The following CLMN variants were observed in gnomAD, a reference collection of about 807,000 sequenced individuals.
The protein encoded by CLMN is calmin.
Under a neutral mutation model 92.7 loss-of-function variants are expected in CLMN, and 57 were observed. The observed-to-expected ratio is 0.61, with a 90% CI of 0.50 to 0.77. The LOEUF (loss-of-function observed/expected upper bound fraction) is 0.77. CLMN is among the 30% of genes least tolerant of loss of function. The probability of loss-of-function intolerance (pLI) is 0.00; values close to 1 mark genes in which losing one functional copy is unlikely to be tolerated. For missense variants in CLMN, 1,158 were observed against 1,237.5 expected (o/e 0.94, Z 0.96); for synonymous variants, 466 against 470.6 (o/e 0.99, Z 0.13).
At chr14:95,227,751 A>G (rs900351915) in intron 2 of CLMN, among the ~76,000 whole-genome samples, 5 of 152,232 alleles carry the variant, frequency 3.3e-5, no homozygotes, top group Non-Finnish European at 2.9e-5. Flanking sequence ...GTATGGCCGA[A>G]TAAACAGCAC....
At chr14:95,232,548 T>G (rs910012273) in intron 1 of CLMN, among the ~76,000 whole-genome samples, 25 of 152,348 alleles carry the variant, frequency 1.6e-4, no homozygotes, top group African/African-American at 6.0e-4. Context: ...CATCACTGCT[T>G]TTCTCTCAGT....
chr14:95,232,969 G>A (rs755498249), intron 1 of CLMN, among the ~76,000 whole-genome samples: 11 of 152,138 alleles, frequency 7.2e-5, no homozygotes, highest in Admixed American at 1.3e-4. Flanking sequence ...TTTCTTACCC[G>A]TGACAACTAA....
chr14:95,252,014 C>A (rs564056034), intron 1 of CLMN, among the ~76,000 whole-genome samples: 9 of 152,310 alleles, frequency 5.9e-5, no homozygotes, highest in Non-Finnish European at 1.2e-4. Flanking sequence ...AACTTCCCTG[C>A]AGACCACTTT....
intron 1 of CLMN, among the ~76,000 whole-genome samples, chr14:95,297,653 G>T (rs998849567): frequency 3.3e-5 from 5 of 152,166 alleles, no homozygotes; most frequent in African/African-American, 1.2e-4. Flanking sequence ...GTAGTAGAAG[G>T]GTTTTGAGAT....
chr14:95,238,675 C>T (rs1035255602), intron 1 of CLMN, among the ~76,000 whole-genome samples: 1 of 152,182 alleles, frequency 6.6e-6, no homozygotes, highest in African/African-American at 2.4e-5. Context: ...ACCAGGGAGG[C>T]ACAGACGGGC....
intron 1 of CLMN, among the ~76,000 whole-genome samples, chr14:95,298,007 G>A (rs1900883158): frequency 6.6e-6 from 1 of 152,176 alleles, no homozygotes; most frequent in African/African-American, 2.4e-5. Flanking sequence ...CGGAGCAGCT[G>A]TACCACTTTG....
At position 95,225,672 on chromosome 14, in the gene CLMN, T is replaced by TTCTGGGTTC. The variant is rs1297320467; in HGVS notation, c.145-1826_145-1818dup. Among the ~76,000 whole-genome samples the TTCTGGGTTC allele has an allele frequency of 1.1e-4, 17 of 152,316 alleles. 1 individual carries two copies. The highest frequency in any genetic ancestry group is 9.8e-4 in the Admixed American group (15 of 15,304). ...CTTCTCTCTGCCCCACTCACTCACT[T>TTCTGGGTTC]TCTGGGTTCCCTGGGTCAGTAACAG... On this transcript the variant is annotated intron_variant, in intron 2 of 12. Coordinates refer to ENST00000298912, the MANE Select transcript of CLMN (RefSeq NM_024734.4).
intron 9 of CLMN, among the ~76,000 whole-genome samples, chr14:95,197,438 A>C (rs912746042): frequency 6.6e-6 from 1 of 152,222 alleles, no homozygotes; most frequent in Non-Finnish European, 1.5e-5. Flanking sequence ...GAGGAAGAGA[A>C]GGGCTCTTAC....
Position 95,203,892 on chromosome 14 carries a change from G to C in CLMN, c.1457C>G (p.Ser486Cys), listed in dbSNP as rs1374164136. 6.2e-7 allele frequency: 1 copy of C among 1,614,074 alleles called. No homozygotes were observed. Among genetic ancestry groups the C allele is most frequent in the Non-Finnish European group, 8.5e-7 (1 of 1,180,030 alleles). The change falls in exon 9 of 13, where the codon TCT (serine) becomes TGT (cysteine). Residue 486 changes from serine to cysteine, a missense_variant. Transcript: ENST00000298912. ...AAAAATGTCACCAGCGACCTTGTCAGAGGAGGATTCTGGAATCTTCGAGGA... is the reference window on the plus strand; with the variant it reads ...AAAAATGTCACCAGCGACCTTGTCACAGGAGGATTCTGGAATCTTCGAGGA... ...QESSKIPESS[S>C]DKVAGDIFLV...
rs116066710 is a variant in CLMN at position 95,204,410 on chromosome 14, G to C, written c.939C>G (p.Arg313=). The C allele has an allele frequency of 9.5e-5, 153 of 1,612,168 alleles. No individual in the cohort carries two copies. In the African/African-American group the frequency reaches 1.9e-3, roughly 20 times the overall value. The change falls in exon 9 of 13, where the codon CGC becomes CGG. Residue 313 remains arginine (R), a synonymous_variant. Coordinates refer to ENST00000298912, the MANE Select transcript of CLMN (RefSeq NM_024734.4). Reference sequence around the variant, plus strand: ...CCTGTTCAGAAGGAGTTTCTTTGATGCGAACAAAAGTGGATTCGATAGGAA... The same window carrying C: ...CCTGTTCAGAAGGAGTTTCTTTGATCCGAACAAAAGTGGATTCGATAGGAA... The part of the protein sequence containing the change: ...KEVPIESTFV[R]IKETPSEQES...
chr14:95,197,477 C>T (rs7156411), intron 9 of CLMN, among the ~76,000 whole-genome samples: 28,036 of 152,036 alleles, frequency 0.18, 3,213 homozygotes, highest in Non-Finnish European at 0.26. Context: ...CCTTCACAAC[C>T]ATCATCCAAT....
chr14:95,271,110 A>G (rs2140721168), intron 1 of CLMN, among the ~76,000 whole-genome samples: 1 of 152,322 alleles, frequency 6.6e-6, no homozygotes, highest in East Asian at 1.9e-4. Flanking sequence ...TGTATCTTCT[A>G]TGAAGAAATA....
At chr14:95,198,042 CTTTT>C (rs1019598103) in intron 9 of CLMN, among the ~76,000 whole-genome samples, 6 of 69,956 alleles carry the variant, frequency 8.6e-5, no homozygotes, top group African/African-American at 1.2e-4. Context: ...TTTTTTCTTT[CTTTT>C]TTTTTTTTTT....
chr14:95,263,851 T>A (rs925751880), intron 1 of CLMN, among the ~76,000 whole-genome samples: 2 of 152,278 alleles, frequency 1.3e-5, no homozygotes, highest in South Asian at 4.2e-4. Context: ...TGTGAAGAAC[T>A]CACACAAGTG....
intron 1 of CLMN, among the ~76,000 whole-genome samples, chr14:95,297,156 T>C (rs1177191093): frequency 6.6e-6 from 1 of 152,164 alleles, no homozygotes; most frequent in African/African-American, 2.4e-5. Context: ...AAAGTAAGCC[T>C]ATGCCTGGGG....
At chr14:95,223,115 C>T (rs1228273900) in intron 3 of CLMN, among the ~76,000 whole-genome samples, 1 of 152,240 alleles carries the variant, frequency 6.6e-6, no homozygotes, top group Admixed American at 6.5e-5. Flanking sequence ...TTAGCTGTCA[C>T]ACCTGGAGGT....
intron 1 of CLMN, among the ~76,000 whole-genome samples, chr14:95,266,398 A>G (rs1201673719): frequency 6.6e-6 from 1 of 152,260 alleles, no homozygotes; most frequent in Non-Finnish European, 1.5e-5. Flanking sequence ...TAGCATTTAT[A>G]TGACGAAAGC....
At chr14:95,280,499 T>C (rs936453234) in intron 1 of CLMN, among the ~76,000 whole-genome samples, 1 of 152,220 alleles carries the variant, frequency 6.6e-6, no homozygotes, top group Non-Finnish European at 1.5e-5. Context: ...TTTTTGCTTG[T>C]TTAAAATCTT....
At chr14:95,293,398 C>CTCCTTCCT (rs201378883) in intron 1 of CLMN, among the ~76,000 whole-genome samples, 1 of 115,424 alleles carries the variant, frequency 8.7e-6, no homozygotes, top group Non-Finnish European at 1.8e-5. Context: ...CCTTCCCTCC[C>CTCCTTCCT]TCCTTCCTTC....
Sources: gnomAD v4.1 joint callset for allele counts (sites outside exome capture counted in the v4.1 genomes callset) on GRCh38, gnomAD v4.1.1 for gene constraint, MANE v1.5 for transcripts, NCBI Gene and HGNC (gene_info 2026-07-23, HGNC 2026-07-21) for gene names.